The following TCP1 variants were observed in gnomAD, a reference collection of about 807,000 sequenced individuals.
TCP1 encodes the protein T-complex protein 1 subunit alpha.
Under a neutral mutation model 54.7 loss-of-function variants are expected in TCP1, and 6 were observed. That is an observed-to-expected ratio of 0.11 (90% CI 0.06 to 0.22). The LOEUF is 0.22. TCP1 is among the 10% of genes least tolerant of loss of function. TCP1 has a pLI of 1.00. For synonymous variants in TCP1, 225 were observed against 229.7 expected, an observed-to-expected ratio of 0.98 and a Z score of 0.19; for missense variants, 511 against 678.2, an observed-to-expected ratio of 0.75 and a Z score of 2.74.
intron 1 of TCP1, 92 bp from the exon 2 acceptor site, chr6:159,788,235 A>G (rs1246664457): frequency 5.9e-6 from 7 of 1,180,118 alleles, no homozygotes; most frequent in African/African-American, 3.1e-5. Flanking sequence ...ATGACATCCA[A>G]CAGCCCCCGT....
At chr6:159,779,572 T>A in intron 11 of TCP1, 55 bp downstream of exon 11, 1 of 1,538,156 alleles carries the variant, frequency 6.5e-7, no homozygotes, top group Non-Finnish European at 8.7e-7. Flanking sequence ...ACTACTATCC[T>A]TTTTAATGCA....
chr6:159,784,293 A>G (rs927827845), intron 6 of TCP1, among the ~76,000 whole-genome samples: 7 of 151,084 alleles, frequency 4.6e-5, no homozygotes, highest in African/African-American at 1.7e-4. Flanking sequence ...ATAATCCACA[A>G]AAAAACATTT....
chr6:159,785,766 A>G (rs769521037), intron 4 of TCP1, 134 bp downstream of exon 4: 1 of 839,784 alleles, frequency 1.2e-6, no homozygotes, highest in Non-Finnish European at 2.0e-6. Context: ...AACTTCAAAT[A>G]TTACTACTTA....
In TCP1 at chr6:159,778,498, T is replaced by A. The variant is rs1391345561; in HGVS notation, c.*547A>T. The A allele has an allele frequency of 2.4e-6, 2 of 840,070 alleles. No individual in the cohort carries two copies. Among genetic ancestry groups the A allele is most frequent in the Non-Finnish European group, 3.5e-6 (2 of 564,462 alleles). 52.0% of individuals were successfully genotyped at this position (840,070 alleles called of 1,614,324 possible). ...AGGAACGAGGTAAGATAGGCAGGGA[T>A]GAATTTTCACAAAGGTGTAAATTTA... On this transcript the variant is annotated 3_prime_UTR_variant, in exon 12 of 12. Transcript: ENST00000321394.
chr6:159,781,309 T>G (rs148301180), intron 7 of TCP1, among the ~76,000 whole-genome samples, 199 bp from the exon 8 acceptor site: 1 of 152,142 alleles, frequency 6.6e-6, no homozygotes, highest in African/African-American at 2.4e-5. Flanking sequence ...CAACCCAAAT[T>G]TGAATTACTA....
intron 3 of TCP1, among the ~76,000 whole-genome samples, chr6:159,787,464 T>C (rs1402967033): frequency 2.0e-5 from 3 of 152,144 alleles, no homozygotes; most frequent in Non-Finnish European, 2.9e-5. Flanking sequence ...TTTAAAACAA[T>C]GGGGCTATGT....
At chr6:159,785,586 G>GT (rs372115695) in intron 4 of TCP1, 90 bp from the exon 5 acceptor site, 19 of 1,049,200 alleles carry the variant, frequency 1.8e-5, no homozygotes, top group Non-Finnish European at 1.8e-5. Flanking sequence ...CCAAAATGTC[G>GT]TAAGTAATAA....
chr6:159,781,857 G>T (rs1429061739), intron 7 of TCP1, among the ~76,000 whole-genome samples: 1 of 152,128 alleles, frequency 6.6e-6, no homozygotes, highest in Non-Finnish European at 1.5e-5. Flanking sequence ...AACCTTGCAG[G>T]TTACACCAAA....
At position 159,783,801 on chromosome 6, in the gene TCP1, T is replaced by C. The variant is rs571363788; in HGVS notation, c.797+140A>G. On this transcript the variant is annotated intron_variant, in intron 7 of 11. Coordinates refer to ENST00000321394, the MANE Select transcript of TCP1 (RefSeq NM_030752.3). ...TTCCACAAAAAGGCCGATTTTCATA[T>C]AGGTTGTATAACCCCAAATCCCTCT... 2.3e-4 allele frequency: 255 copies of C among 1,113,206 alleles called. 2 individuals carry two copies. Among genetic ancestry groups the C allele is most frequent in the African/African-American group, 2.1e-3 (135 of 63,300 alleles). The allele number at this position is 1,113,206 out of a possible 1,614,324, so 69.0% of individuals were successfully genotyped here. A position where few individuals can be genotyped will look rare whatever the true frequency, so the allele number is the denominator to read the frequency against.
Position 159,785,491 on chromosome 6 carries a change from G to A in TCP1, c.383C>T (p.Ala128Val). The A allele has an allele frequency of 6.2e-7, 1 of 1,611,674 alleles. No homozygotes were observed. ...TAGGTTTTCATTGATATAACGCACT[G>A]CTTCCCTGTTTAAAAGTGTGGGGGA... is the stretch of plus-strand genomic sequence containing the variant. ...ISGYRLACKE[A>V]VRYINENLIV... Residue 128 changes from alanine to valine, a missense_variant, in exon 5 of 12, where the codon GCA (alanine) becomes GTA (valine). Around this residue, in one of 5 missense-constraint regions of TCP1, gnomAD observed 305 missense variants for 352.8 expected, o/e 0.86. Transcript: ENST00000321394.
At position 159,780,582 on chromosome 6, in the gene TCP1, C is replaced by T; in HGVS notation, c.974-16G>A. The T allele has an allele frequency of 6.2e-7, 1 of 1,607,532 alleles. No individual in the cohort carries two copies. On this transcript the variant is annotated splice_polypyrimidine_tract_variant and intron_variant, in intron 8 of 11. Transcript: ENST00000321394. ...AGAATAGTTGCTAATAAGAGAGTTACAAAGGATCTGTGAATATTGCTCTTT... is the reference window on the plus strand; with the variant it reads ...AGAATAGTTGCTAATAAGAGAGTTATAAAGGATCTGTGAATATTGCTCTTT...
chr6:159,786,779 C>T (rs977036699), intron 3 of TCP1, among the ~76,000 whole-genome samples: 2 of 152,138 alleles, frequency 1.3e-5, no homozygotes, highest in African/African-American at 4.8e-5. Flanking sequence ...GAATTAACAT[C>T]TTTCTCACCA....
rs753755030 is a variant in TCP1, at chr6:159,787,887, G to A, written c.151-16C>T. 6.2e-7 allele frequency: 1 copy of A among 1,612,480 alleles called. No homozygotes were observed. The highest frequency in any genetic ancestry group is 8.5e-7 in the Non-Finnish European group (1 of 1,178,996). ...TGGTTACATCCTAAGAAATTCGCAG[G>A]AAAAAATATGAACCACTTATAGAAA... On this transcript the variant is annotated splice_polypyrimidine_tract_variant and intron_variant, in intron 2 of 11. Transcript: ENST00000321394.
At chr6:159,788,666 C>T (rs1780759914) in intron 1 of TCP1, 1 of 153,574 alleles carries the variant, frequency 6.5e-6, no homozygotes, top group Non-Finnish European at 1.4e-5. Context: ...TCAGATTCTG[C>T]AAGTTTTTTG....
chr6:159,781,367 T>C (rs1053437120), intron 7 of TCP1, among the ~76,000 whole-genome samples: 1 of 152,106 alleles, frequency 6.6e-6, no homozygotes, highest in Non-Finnish European at 1.5e-5. Context: ...CCTTCAAGGA[T>C]CTAGTGGGGA....
intron 11 of TCP1, 65 bp from the exon 12 acceptor site, chr6:159,779,326 G>A: frequency 2.2e-6 from 3 of 1,387,990 alleles, no homozygotes; most frequent in East Asian, 2.3e-5. Flanking sequence ...ATTAACTCCA[G>A]CATTTCATTC....
At chr6:159,785,067 G>C (rs931373985) in intron 5 of TCP1, 1 of 617,150 alleles carries the variant, frequency 1.6e-6, no homozygotes, top group African/African-American at 1.9e-5. Flanking sequence ...AAGCAGGGAA[G>C]GCAACAGGTA....
chr6:159,779,761 C>A lies in TCP1; in HGVS notation c.1320G>T (p.Glu440Asp). ...MGSREQLAIAEFARSLLVIPN... is the reference protein window; with the variant it reads ...MGSREQLAIADFARSLLVIPN... ...GAATAACAAGAAGTGATCTTGCAAA[C>A]TCTGCAATCGCAAGCTGTTCCCGAG... The change falls in exon 11 of 12, where the codon GAG (glutamate) becomes GAT (aspartate). Residue 440 changes from glutamate to aspartate, a missense_variant. By Grantham distance (45) the Glu-to-Asp change is conservative. Coordinates refer to ENST00000321394, the MANE Select transcript of TCP1 (RefSeq NM_030752.3). The A allele has an allele frequency of 6.2e-7, 1 of 1,608,446 alleles. No individual in the cohort carries two copies. The highest frequency in any genetic ancestry group is 2.2e-5 in the East Asian group (1 of 44,856).
chr6:159,780,291 A>G, intron 9 of TCP1, 152 bp downstream of exon 9: 1 of 1,314,324 alleles, frequency 7.6e-7, no homozygotes, highest in Non-Finnish European at 1.1e-6. Flanking sequence ...TGGTTACTTC[A>G]TCTCAATTTA....
Sources: allele counts gnomAD v4.1 joint callset (sites outside exome capture counted in the v4.1 genomes callset), GRCh38; gene constraint gnomAD v4.1.1; regional missense constraint gnomAD v4.1.1; transcripts MANE v1.5; gene names NCBI Gene and HGNC (gene_info 2026-07-23, HGNC 2026-07-21).